The following MYO3A variants were observed in gnomAD, a reference collection of about 807,000 sequenced individuals.
MYO3A encodes the protein myosin IIIA, also known as myosin-IIIa.
MYO3A carries 180 observed loss-of-function variants against 192.7 expected under a neutral mutation model. That is an observed-to-expected ratio of 0.93 (90% CI 0.83 to 1.06). The LOEUF is 1.06. Ranked by LOEUF, MYO3A falls within the 50% of genes least tolerant of loss-of-function variation. The pLI is 0.00. For synonymous variants in MYO3A, 628 were observed against 645.3 expected (o/e 0.97, Z 0.41); for missense variants, 1,896 against 1,905.0 (o/e 1.00, Z 0.09).
At chr10:26,000,744 A>G (rs1482688228) in intron 6 of MYO3A, among the ~76,000 whole-genome samples, 4 of 152,056 alleles carry the variant, frequency 2.6e-5, no homozygotes, top group Non-Finnish European at 5.9e-5. Context: ...GAGCTTTTAA[A>G]AAGATAATGA....
At position 26,059,091 on chromosome 10, in the gene MYO3A, CTCTT is replaced by C. The variant is rs567299704; in HGVS notation, c.954-7881_954-7878del. On this transcript the variant is annotated intron_variant, in intron 10 of 34. Coordinates refer to ENST00000642920, the MANE Select transcript of MYO3A (RefSeq NM_017433.5). ...TCATTCCAGGAGGTTTTTATGCTGA[CTCTT>C]TCAGATTTTCAACATAAACAATTAT... Among the ~76,000 whole-genome samples the C allele has an allele frequency of 1.8e-4, 27 of 152,234 alleles. No homozygotes were observed. The South Asian group carries it at 5.2e-3, about 29-fold the overall frequency.
intron 4 of MYO3A, among the ~76,000 whole-genome samples, chr10:25,984,922 T>C (rs1292947077): frequency 6.6e-6 from 1 of 152,122 alleles, no homozygotes. Flanking sequence ...GAAAAGTTCA[T>C]AGCATTAAAT....
intron 20 of MYO3A, among the ~76,000 whole-genome samples, chr10:26,131,394 T>C (rs1206386476): frequency 6.6e-6 from 1 of 152,230 alleles, no homozygotes; most frequent in Non-Finnish European, 1.5e-5. Flanking sequence ...ATCTATAGCA[T>C]GCAGAGTAGA....
In MYO3A at chr10:26,211,837, T is replaced by G. The variant is rs750259791; in HGVS notation, c.4731-6T>G. ...TTGACACTTGGGCCCTGGGTTTCAC[T>G]TGCAGGTGCTGGGCGGCGGAGAGCC... On this transcript the variant is annotated splice_region_variant and splice_polypyrimidine_tract_variant and intron_variant, in intron 34 of 34. Transcript: ENST00000642920. 4.9e-5 allele frequency: 79 copies of G among 1,613,912 alleles called. No individual in the cohort carries two copies. Among genetic ancestry groups the G allele is most frequent in the Non-Finnish European group, 6.5e-5 (77 of 1,180,008 alleles).
chr10:26,016,801 A>C lies in MYO3A; in HGVS notation c.509-19A>C. 6.2e-7 allele frequency: 1 copy of C among 1,612,698 alleles called. No homozygotes were observed. The highest frequency in any genetic ancestry group is 8.5e-7 in the Non-Finnish European group (1 of 1,178,652). ...ATGAGTAATTAATGCAAAAAAGTACATCTTGTCTCTTCCTCTAGGTGTGTC... is the reference window on the plus strand; with the variant it reads ...ATGAGTAATTAATGCAAAAAAGTACCTCTTGTCTCTTCCTCTAGGTGTGTC... On this transcript the variant is annotated intron_variant, in intron 6 of 34. Coordinates refer to ENST00000642920, the MANE Select transcript of MYO3A (RefSeq NM_017433.5).
At chr10:26,172,984 T>C (rs1181249988) in intron 29 of MYO3A, among the ~76,000 whole-genome samples, 1 of 152,064 alleles carries the variant, frequency 6.6e-6, no homozygotes, top group Non-Finnish European at 1.5e-5. Context: ...GGTGTCATGG[T>C]ATGACATTTT....
chr10:25,983,479 G>A (rs989453753), intron 4 of MYO3A, among the ~76,000 whole-genome samples: 2 of 151,898 alleles, frequency 1.3e-5, no homozygotes, highest in African/African-American at 2.4e-5. Context: ...GGATGGTCTC[G>A]ATCTCCTGAC....
chr10:26,105,185 T>C (rs150344860), intron 17 of MYO3A, among the ~76,000 whole-genome samples: 46 of 152,282 alleles, frequency 3.0e-4, no homozygotes, highest in African/African-American at 9.9e-4. Context: ...TATGTCCTTA[T>C]TGACTGGTTC....
chr10:25,989,258 T>C (rs1156888580), intron 4 of MYO3A, among the ~76,000 whole-genome samples: 1 of 148,292 alleles, frequency 6.7e-6, no homozygotes, highest in Non-Finnish European at 1.5e-5. Flanking sequence ...CTTAGTTTTT[T>C]GGCTTTTTTT....
At chr10:26,146,230 A>G (rs1185095064) in intron 22 of MYO3A, among the ~76,000 whole-genome samples, 2 of 152,238 alleles carry the variant, frequency 1.3e-5, no homozygotes, top group Non-Finnish European at 2.9e-5. Flanking sequence ...ATGACAGGTC[A>G]TTCTTTCACA....
rs1354731907 is a variant in MYO3A at position 26,021,641 on chromosome 10, A to G, written c.724A>G (p.Ile242Val). The change falls in exon 8 of 35, where the codon ATA becomes GTA. Residue 242 changes from isoleucine to valine, a missense_variant. Physicochemically the swap from Ile to Val is conservative, Grantham distance 29. Transcript: ENST00000642920. ...DLHPMRALFK[I>V]PRNPPPKLRQ... ...TCATCCCATGAGAGCACTCTTCAAAATACCAAGGTCAGATGACTAACATTG... is the reference window on the plus strand; with the variant it reads ...TCATCCCATGAGAGCACTCTTCAAAGTACCAAGGTCAGATGACTAACATTG... 1 of 1,614,098 alleles carries G rather than the reference A, an allele frequency of 6.2e-7. No individual in the cohort carries two copies. The highest frequency in any genetic ancestry group is 2.2e-5 in the East Asian group (1 of 44,872).
rs3758442 is a variant in MYO3A, at chr10:26,070,182, A to G, written c.1242A>G (p.Gly414=). Reference sequence around the variant, plus strand: ...ACATTTTTGCAATGGCTGACTTAGGATATCAATCTATGATAACATATAATT... The same window carrying G: ...ACATTTTTGCAATGGCTGACTTAGGGTATCAATCTATGATAACATATAATT... ...PPHIFAMADL[G]YQSMITYNSD... The change falls in exon 13 of 35, where the codon GGA becomes GGG. Residue 414 remains glycine, a synonymous_variant. Transcript: ENST00000642920. 2 of 1,611,444 alleles carry G rather than the reference A, an allele frequency of 1.2e-6. No individual in the cohort carries two copies. Among genetic ancestry groups the G allele is most frequent in the African/African-American group, 1.3e-5 (1 of 74,860 alleles).
At chr10:26,092,525 C>T (rs946397593) in intron 15 of MYO3A, among the ~76,000 whole-genome samples, 2 of 152,118 alleles carry the variant, frequency 1.3e-5, no homozygotes, top group Non-Finnish European at 1.5e-5. Context: ...TTGGCCACTT[C>T]GTTGAAGATT....
chr10:26,186,251 A>G (rs1350970241), intron 31 of MYO3A, among the ~76,000 whole-genome samples: 2 of 150,436 alleles, frequency 1.3e-5, no homozygotes, highest in African/African-American at 2.4e-5. Flanking sequence ...CATCCTGTCC[A>G]TCAGTGATAT....
chr10:26,099,773 G>A (rs896843001), intron 17 of MYO3A, among the ~76,000 whole-genome samples: 10 of 152,280 alleles, frequency 6.6e-5, no homozygotes, highest in South Asian at 4.2e-4. Flanking sequence ...ACTTGATCAT[G>A]GTGGATAAGC....
intron 8 of MYO3A, 92 bp downstream of exon 8, chr10:26,021,740 G>C: frequency 6.6e-7 from 1 of 1,522,618 alleles, no homozygotes; most frequent in South Asian, 1.1e-5. Context: ...GAGACGTTCA[G>C]ATATATTCCA....
rs1027941297 is a variant in MYO3A, at chr10:26,211,782, G to A, written c.4731-61G>A. ...AAGAGGACCCGCCTAACTCGGGGTA[G>A]GTGGGGACGCGCTGCTCACTGTGGT... On this transcript the variant is annotated intron_variant, in intron 34 of 34. Transcript: ENST00000642920. The A allele has an allele frequency of 2.5e-6, 4 of 1,608,340 alleles. No individual in the cohort carries two copies. In the African/African-American group the frequency reaches 5.3e-5, roughly 21 times the overall value.
rs1281862128 is a variant in MYO3A, at chr10:26,190,419, C to T, written c.4439-2786C>T. Among the ~76,000 whole-genome samples the T allele has an allele frequency of 4.6e-5, 7 of 152,114 alleles. No homozygotes were observed. In the East Asian group the frequency reaches 1.2e-3, roughly 25 times the overall value. On this transcript the variant is annotated intron_variant, in intron 31 of 34. Transcript: ENST00000642920. The stretch of plus-strand genomic sequence containing the variant: ...ATGATGACTGCGGGTTCATTTGAGT[C>T]TGAGAGAGAAGTATTCAGTAAGGAG...
chr10:26,157,647 T>C (rs1841223926), intron 26 of MYO3A, 132 bp downstream of exon 26: 1 of 979,130 alleles, frequency 1.0e-6, no homozygotes, highest in African/African-American at 1.6e-5. Context: ...CAAATGATTA[T>C]GTGTTGAAAA....
Sources: allele counts gnomAD v4.1 joint callset (sites outside exome capture counted in the v4.1 genomes callset), GRCh38; gene constraint gnomAD v4.1.1; transcripts MANE v1.5; gene names NCBI Gene and HGNC (gene_info 2026-07-23, HGNC 2026-07-21).